The following PDE1A variants were observed in gnomAD, a reference collection of about 807,000 sequenced individuals.
The protein encoded by PDE1A is dual specificity calcium/calmodulin-dependent 3',5'-cyclic nucleotide phosphodiesterase 1A.
In PDE1A, 35 loss-of-function variants were observed where a neutral mutation model predicts 61.7. That is an observed-to-expected ratio of 0.57 (90% CI 0.43 to 0.75). The LOEUF (loss-of-function observed/expected upper bound fraction) is 0.75. Among genes scored for constraint, PDE1A ranks in the 30% least tolerant of loss-of-function variants. The pLI is 0.00. For synonymous variants in PDE1A, 232 were observed against 213.2 expected (o/e 1.09, Z -0.77); for missense variants, 597 against 630.6 (o/e 0.95, Z 0.57).
chr2:182,520,326 A>T (rs761570022), intron 2 of PDE1A, among the ~76,000 whole-genome samples: 6 of 151,966 alleles, frequency 3.9e-5, no homozygotes, highest in Non-Finnish European at 8.8e-5. Context: ...GATAGTACCA[A>T]AATGCAATTT....
intron 13 of PDE1A, among the ~76,000 whole-genome samples, chr2:182,162,819 C>T (rs1330598098): frequency 1.3e-5 from 2 of 152,032 alleles, no homozygotes; most frequent in Non-Finnish European, 2.9e-5. Flanking sequence ...CAGTGGTCCC[C>T]GAACCCATAA....
the PDE1A span, among the ~76,000 whole-genome samples, chr2:182,697,819 C>T: frequency 1.4e-4 from 22 of 152,274 alleles, no homozygotes; most frequent in Admixed American, 2.6e-4. Flanking sequence ...AGACACTGGG[C>T]GCTGTATGAC....
chr2:182,513,835 C>A (rs1270422552), intron 2 of PDE1A, among the ~76,000 whole-genome samples: 1 of 152,142 alleles, frequency 6.6e-6, no homozygotes, highest in Non-Finnish European at 1.5e-5. Context: ...CAACAATGAT[C>A]AAAAAGGACA....
chr2:182,589,991 C>T, the PDE1A span, among the ~76,000 whole-genome samples: 1 of 152,270 alleles, frequency 6.6e-6, no homozygotes, highest in Admixed American at 6.5e-5. Flanking sequence ...AACTAAAACT[C>T]GTCCATTTCT....
the PDE1A span, among the ~76,000 whole-genome samples, chr2:182,564,953 T>C: frequency 6.6e-6 from 1 of 152,312 alleles, no homozygotes; most frequent in Non-Finnish European, 1.5e-5. Context: ...TATACATTCG[T>C]CTAAATTTTT....
intron 1 of PDE1A, among the ~76,000 whole-genome samples, chr2:182,337,211 A>G (rs936404893): frequency 1.3e-5 from 2 of 151,990 alleles, no homozygotes; most frequent in African/African-American, 4.8e-5. Context: ...AAAGGATTTG[A>G]ACAGAAAAAG....
At chr2:182,333,830 T>A (rs536706664) in intron 1 of PDE1A, among the ~76,000 whole-genome samples, 54 of 152,078 alleles carry the variant, frequency 3.6e-4, no homozygotes, top group African/African-American at 1.3e-3. Flanking sequence ...GACAGACCAC[T>A]AGCCAGACCA....
At chr2:182,668,864 C>T in the PDE1A span, among the ~76,000 whole-genome samples, 14 of 152,288 alleles carry the variant, frequency 9.2e-5, no homozygotes, top group Middle Eastern at 3.4e-3. Context: ...TCTCCTGCCT[C>T]GTGCGAGCCG....
chr2:182,540,105 G>A, the PDE1A span, among the ~76,000 whole-genome samples: 4 of 152,012 alleles, frequency 2.6e-5, no homozygotes, highest in Non-Finnish European at 4.4e-5. Flanking sequence ...TGGCTCACAC[G>A]TGTAATTCAG....
chr2:182,578,417 C>T, the PDE1A span, among the ~76,000 whole-genome samples: 1 of 152,076 alleles, frequency 6.6e-6, no homozygotes, highest in South Asian at 2.1e-4. Context: ...ATTAAAAAGG[C>T]AATATTTTAT....
intron 2 of PDE1A, among the ~76,000 whole-genome samples, chr2:182,471,591 C>T (rs1349090784): frequency 6.6e-6 from 1 of 151,790 alleles, no homozygotes; most frequent in African/African-American, 2.4e-5. Flanking sequence ...CTACACACCA[C>T]TTTATTACAC....
chr2:182,588,251 T>C, the PDE1A span, among the ~76,000 whole-genome samples: 3 of 152,296 alleles, frequency 2.0e-5, no homozygotes, highest in South Asian at 6.2e-4. Context: ...GAGTTGAGCT[T>C]CTCTCTCCAG....
the PDE1A span, among the ~76,000 whole-genome samples, chr2:182,557,298 T>C: frequency 6.6e-6 from 1 of 152,212 alleles, no homozygotes; most frequent in African/African-American, 2.4e-5. Flanking sequence ...TTATTTCAGA[T>C]CATTAAAAAT....
chr2:182,299,241 T>C (rs759667541), intron 1 of PDE1A, among the ~76,000 whole-genome samples: 65 of 151,704 alleles, frequency 4.3e-4, no homozygotes, highest in Middle Eastern at 3.4e-3. Context: ...CTGGCCCAAG[T>C]CTGTCTCACA....
intron 1 of PDE1A, among the ~76,000 whole-genome samples, chr2:182,420,078 G>C (rs539998029): frequency 9.1e-4 from 138 of 151,924 alleles, no homozygotes; most frequent in African/African-American, 3.3e-3. Context: ...GAATGAGAGA[G>C]ATGCACAGCA....
chr2:182,382,455 T>C (rs1054820541), intron 1 of PDE1A, among the ~76,000 whole-genome samples: 1 of 152,306 alleles, frequency 6.6e-6, no homozygotes, highest in Non-Finnish European at 1.5e-5. Flanking sequence ...TGCCAAAATA[T>C]ATTGCACTTG....
intron 13 of PDE1A, among the ~76,000 whole-genome samples, chr2:182,147,852 A>G (rs1447623561): frequency 6.6e-6 from 1 of 152,222 alleles, no homozygotes; most frequent in Non-Finnish European, 1.5e-5. Flanking sequence ...ATACAATGAA[A>G]GTTTCTTTCT....
chr2:182,285,232 C>T (rs1017390781), intron 1 of PDE1A, among the ~76,000 whole-genome samples: 7 of 152,060 alleles, frequency 4.6e-5, no homozygotes, highest in African/African-American at 1.4e-4. Flanking sequence ...AGCTCTGCAG[C>T]ATCTTTCACT....
intron 8 of PDE1A, 129 bp from the exon 9 acceptor site, chr2:182,201,918 T>C (rs1686691458): frequency 3.2e-6 from 2 of 627,402 alleles, no homozygotes; most frequent in Non-Finnish European, 5.6e-6. Context: ...ATGCTACTTT[T>C]TAAATGTGAA....
Sources: allele counts gnomAD v4.1 joint callset (sites outside exome capture counted in the v4.1 genomes callset), GRCh38; gene constraint gnomAD v4.1.1; transcripts MANE v1.5; gene names NCBI Gene and HGNC (gene_info 2026-07-23, HGNC 2026-07-21).